The following CLBA1 variants were observed in gnomAD, a reference collection of about 807,000 sequenced individuals.
CLBA1 encodes clathrin binding box of aftiphilin containing 1.
CLBA1 carries 30 observed loss-of-function variants against 28.8 expected under a neutral mutation model. The observed-to-expected ratio is 1.04, with a 90% CI of 0.78 to 1.41. CLBA1 has a LOEUF of 1.41. Among genes scored for constraint, CLBA1 ranks in the 40% most tolerant of loss-of-function variants. CLBA1 has a pLI of 0.00. For synonymous variants in CLBA1, 160 were observed against 152.8 expected (o/e 1.05, Z -0.35); for missense variants, 451 against 412.3 (o/e 1.09, Z -0.81).
At chr14:105,000,241 T>A (rs750868482), downstream of CLBA1, among the ~76,000 whole-genome samples, 18 of 151,284 alleles carry the variant, frequency 1.2e-4, no homozygotes, top group Non-Finnish European at 2.4e-4. Context: ...ATAACCTGAT[T>A]GAAAAAATAG....
At chr14:104,996,826 G>A (rs1900165246), downstream of CLBA1, among the ~76,000 whole-genome samples, 1 of 152,234 alleles carries the variant, frequency 6.6e-6, no homozygotes, top group African/African-American at 2.4e-5. Flanking sequence ...GGCGTCTGAA[G>A]GCCTAACTAC....
At chr14:104,993,626 GCTCT>G (rs1900097124) in intron 4 of CLBA1, 6 of 985,338 alleles carry the variant, frequency 6.1e-6, no homozygotes, top group African/African-American at 1.7e-5. Flanking sequence ...TCTTCTTGCA[GCTCT>G]CTCTTTTATC....
chr14:104,991,285 A>G, intron 2 of CLBA1: 2 of 449,902 alleles, frequency 4.4e-6, no homozygotes, highest in Non-Finnish European at 8.0e-6. Flanking sequence ...CAGCCTCCCA[A>G]AGTGCTGGGA....
downstream of CLBA1, among the ~76,000 whole-genome samples, chr14:104,996,410 C>T (rs1900156398): frequency 6.6e-6 from 1 of 152,230 alleles, no homozygotes; most frequent in South Asian, 2.1e-4. Context: ...AGCTCCCTGG[C>T]CTCCCTCAGG....
rs553234142 is a variant in CLBA1 at position 104,986,947 on chromosome 14, G to A, written c.423+93G>A. ...CGAATGCTGTGGCGTGCTGGCCAGG[G>A]AGGGGGCTGACAGCCCCAGAGCGTC... On this transcript the variant is annotated intron_variant, in intron 1 of 4. Transcript: ENST00000547315. The A allele has an allele frequency of 6.0e-5, 87 of 1,444,698 alleles. No homozygotes were observed. The African/African-American group carries it at 1.1e-3, about 19-fold the overall frequency. 89.5% of individuals were successfully genotyped at this position (1,444,698 alleles called of 1,614,324 possible).
intron 4 of CLBA1, 69 bp from the exon 5 acceptor site, chr14:104,994,529 G>A: frequency 1.3e-6 from 2 of 1,520,354 alleles, no homozygotes; most frequent in Non-Finnish European, 1.7e-6. Context: ...GCGGCCAGGG[G>A]CAAACGCCCA....
At position 104,986,643 on chromosome 14, in the gene CLBA1, C is replaced by G. The variant is rs1044489206; in HGVS notation, c.212C>G (p.Pro71Arg). The G allele has an allele frequency of 1.2e-6, 2 of 1,614,084 alleles. No homozygotes were observed. The highest frequency in any genetic ancestry group is 4.5e-5 in the East Asian group (2 of 44,870). Residue 71 changes from proline (P) to arginine (R), a missense_variant, in exon 1 of 5, where the codon CCT becomes CGT. By Grantham distance (103) the Pro-to-Arg change is moderately radical. Transcript: ENST00000547315. ...ACCTGCACTGCCCGATGTCCTGACC[C>G]TGGGGAACACAGCAGCACTTGGGGG... is the stretch of plus-strand genomic sequence containing the variant. ...GSTCTARCPDPGEHSSTWGEF... is the reference protein window; with the variant it reads ...GSTCTARCPDRGEHSSTWGEF...
chr14:104,995,568 C>T (rs1900142296), downstream of CLBA1: 12 of 945,794 alleles, frequency 1.3e-5, no homozygotes, highest in Middle Eastern at 1.1e-3. Context: ...GAAATCCTGT[C>T]CCCAGGGGAG....
At chr14:104,989,288 A>T in intron 2 of CLBA1, 200 bp downstream of exon 2, 3 of 563,054 alleles carry the variant, frequency 5.3e-6, no homozygotes, top group Non-Finnish European at 9.4e-6. Flanking sequence ...TCTGAGCCCT[A>T]TTCATCCTCC....
intron 4 of CLBA1, 84 bp downstream of exon 4, chr14:104,993,148 G>A (rs1900085139): frequency 6.5e-7 from 1 of 1,544,620 alleles, no homozygotes; most frequent in Non-Finnish European, 8.7e-7. Flanking sequence ...TCTGATGTGA[G>A]TCAGTTGCTT....
rs772671282 is a variant in CLBA1 at position 104,986,741 on chromosome 14, C to T, written c.310C>T (p.Pro104Ser). 3.1e-6 allele frequency: 5 copies of T among 1,612,476 alleles called. No homozygotes were observed. The Admixed American group carries it at 8.4e-5, about 27-fold the overall frequency. Residue 104 changes from proline (P) to serine (S), a missense_variant, in exon 1 of 5, where the codon CCC (proline) becomes TCC (serine). Coordinates refer to ENST00000547315, the MANE Select transcript of CLBA1 (RefSeq NM_174891.4). Reference sequence around the variant, plus strand: ...ACAGTCCCTTGAACTCCTCGAGGGACCCACAGAACCCCAGCCACCGAGAAC... The same window carrying T: ...ACAGTCCCTTGAACTCCTCGAGGGATCCACAGAACCCCAGCCACCGAGAAC... The part of the protein sequence containing the change: ...FSQSLELLEG[P>S]TEPQPPRTTS...
downstream of CLBA1, chr14:104,999,275 A>C: frequency 4.1e-6 from 4 of 979,680 alleles, no homozygotes; most frequent in Non-Finnish European, 4.9e-6. Context: ...CAAAGCCCTC[A>C]TTCTTTCTAG....
intron 2 of CLBA1, 42 bp downstream of exon 2, chr14:104,989,130 T>C: frequency 6.3e-7 from 1 of 1,589,038 alleles, no homozygotes; most frequent in South Asian, 1.1e-5. Flanking sequence ...ACTGCTTTTG[T>C]ACTTTTGTTT....
intron 2 of CLBA1, chr14:104,990,945 G>A (rs45515697): frequency 0.18 from 27,673 of 154,154 alleles, 2,701 homozygotes; most frequent in East Asian, 0.25. Flanking sequence ...AGGATGGCAC[G>A]TGTTGTTTGA....
At chr14:104,994,199 G>C in intron 4 of CLBA1, 1 of 985,444 alleles carries the variant, frequency 1.0e-6, no homozygotes, top group Non-Finnish European at 1.2e-6. Context: ...ACAGCAGCCG[G>C]TGGGGGAGAC....
downstream of CLBA1, chr14:104,999,328 C>A: frequency 1.3e-6 from 1 of 783,078 alleles, no homozygotes; most frequent in Non-Finnish European, 1.5e-6. Flanking sequence ...AGCCGTCAGC[C>A]ACATCAGAGG....
chr14:104,989,403 G>A (rs897205164), intron 2 of CLBA1: 1 of 398,580 alleles, frequency 2.5e-6, no homozygotes, highest in African/African-American at 2.1e-5. Context: ...CAGTGCGAGT[G>A]GCTGGTGGGC....
Position 104,986,702 on chromosome 14 carries a change from T to G in CLBA1, c.271T>G (p.Ser91Ala). 6.2e-7 allele frequency: 1 copy of G among 1,613,964 alleles called. No homozygotes were observed. Among genetic ancestry groups the G allele is most frequent in the Non-Finnish European group, 8.5e-7 (1 of 1,179,948 alleles). ...AGGCTTTCGGGAATCTTCAGCCAAG[T>G]CTGGACAATTCTCACAGTCCCTTGA... ...FEGFRESSAK[S>A]GQFSQSLELL... The change falls in exon 1 of 5, where the codon TCT (serine) becomes GCT (alanine). Residue 91 changes from serine to alanine, a missense_variant. Transcript: ENST00000547315.
chr14:104,996,091 C>T (rs773539052), downstream of CLBA1, among the ~76,000 whole-genome samples: 2 of 152,084 alleles, frequency 1.3e-5, no homozygotes, highest in Non-Finnish European at 2.9e-5. Flanking sequence ...CATGGTGTCA[C>T]CCATGGTGGC....
Sources: gnomAD v4.1 joint callset for allele counts (sites outside exome capture counted in the v4.1 genomes callset) on GRCh38, gnomAD v4.1.1 for gene constraint, MANE v1.5 for transcripts, NCBI Gene and HGNC (gene_info 2026-07-23, HGNC 2026-07-21) for gene names.